CCDC7: variants seen among roughly 807,000 people sequenced by gnomAD.
CCDC7 encodes the protein coiled-coil domain containing 7.
In CCDC7, 183 loss-of-function variants were observed where a neutral mutation model predicts 196.9. The ratio of observed to expected loss-of-function variants is 0.93; its 90% CI spans 0.82 to 1.05. The LOEUF is 1.05. CCDC7 is among the 50% of genes least tolerant of loss of function. The pLI, the probability that CCDC7 is intolerant of heterozygous loss-of-function variation, is 0.00. For missense variants in CCDC7, 1,540 were observed against 1,482.2 expected, an observed-to-expected ratio of 1.04 and a Z score of -0.64; for synonymous variants, 525 against 484.6, an observed-to-expected ratio of 1.08 and a Z score of -1.10.
intron 33 of CCDC7, among the ~76,000 whole-genome samples, chr10:32,841,027 C>G (rs974312180): frequency 6.6e-5 from 10 of 151,948 alleles, no homozygotes; most frequent in Admixed American, 5.9e-4. Context: ...CTATCTATGA[C>G]AAACCAACAG....
At chr10:32,828,496 A>G (rs1593210120) in intron 32 of CCDC7, among the ~76,000 whole-genome samples, 1 of 107,430 alleles carries the variant, frequency 9.3e-6, no homozygotes, top group Non-Finnish European at 1.9e-5. Context: ...GAAGAAGAAG[A>G]AGAAGAAGAA....
intron 31 of CCDC7, among the ~76,000 whole-genome samples, chr10:32,822,000 G>GAA (rs35583848): frequency 4.7e-5 from 7 of 149,088 alleles, no homozygotes; most frequent in South Asian, 2.1e-4. Flanking sequence ...TAAAAGTGCT[G>GAA]AAAAAAAAAA....
At chr10:32,519,295 T>C (rs755990826) in intron 11 of CCDC7, among the ~76,000 whole-genome samples, 3 of 152,172 alleles carry the variant, frequency 2.0e-5, no homozygotes, top group Non-Finnish European at 2.9e-5. Context: ...CTGAGTAGTC[T>C]GACCAAGTGT....
At chr10:32,474,752 T>TA (rs1163043308) in intron 8 of CCDC7, among the ~76,000 whole-genome samples, 1 of 152,270 alleles carries the variant, frequency 6.6e-6, no homozygotes, top group South Asian at 2.1e-4. Context: ...CTAGAGCTTG[T>TA]ATGTTAAGTT....
chr10:32,753,374 A>G (rs2133544523), intron 28 of CCDC7, among the ~76,000 whole-genome samples: 1 of 152,292 alleles, frequency 6.6e-6, no homozygotes, highest in African/African-American at 2.4e-5. Context: ...TAATAACAGC[A>G]AACATTTTCT....
At chr10:32,570,573 G>T (rs528089690) in intron 15 of CCDC7, among the ~76,000 whole-genome samples, 3 of 152,318 alleles carry the variant, frequency 2.0e-5, no homozygotes, top group African/African-American at 7.2e-5. Context: ...CCACAGGGTT[G>T]TTAAGGTATC....
In CCDC7 at chr10:32,570,509, G is replaced by A. The variant is rs114789133; in HGVS notation, c.1420-1350G>A. ...AAACACAATGGAAGCTTCTTTCCTG[G>A]TGTTAATAGTCCAAGGAAGTTCAAG... is the stretch of plus-strand genomic sequence containing the variant. On this transcript the variant is annotated intron_variant, in intron 15 of 41. Transcript: ENST00000639629. Among the ~76,000 whole-genome samples, 1,281 of 152,284 alleles carry A rather than the reference G, an allele frequency of 8.4e-3. 28 individuals are homozygous for A. The highest frequency in any genetic ancestry group is 0.028 in the African/African-American group (1,180 of 41,554).
At chr10:32,550,779 A>T (rs2053351609) in intron 13 of CCDC7, among the ~76,000 whole-genome samples, 1 of 151,906 alleles carries the variant, frequency 6.6e-6, no homozygotes, top group Non-Finnish European at 1.5e-5. Context: ...TCTTTTTGTT[A>T]TATTGTTGGA....
chr10:32,741,489 C>T (rs921561627), intron 28 of CCDC7, among the ~76,000 whole-genome samples: 1 of 152,294 alleles, frequency 6.6e-6, no homozygotes, highest in Admixed American at 6.5e-5. Context: ...TAGTCAAGTC[C>T]TGTAGTTGGC....
chr10:32,710,629 G>A (rs74955328), intron 24 of CCDC7, among the ~76,000 whole-genome samples: 21,787 of 152,132 alleles, frequency 0.14, 1,900 homozygotes, highest in African/African-American at 0.25. Flanking sequence ...AAGACCCACT[G>A]ATAGGGCTGG....
intron 28 of CCDC7, among the ~76,000 whole-genome samples, chr10:32,729,830 C>T (rs183063959): frequency 6.3e-4 from 96 of 151,978 alleles, no homozygotes; most frequent in Admixed American, 7.9e-4. Flanking sequence ...TTGTTGTTTT[C>T]CTTAATAACT....
At chr10:32,637,661 C>T (rs12251790) in intron 20 of CCDC7, among the ~76,000 whole-genome samples, 17,215 of 152,082 alleles carry the variant, frequency 0.11, 1,171 homozygotes, top group South Asian at 0.27. Context: ...AGTCAGGTAG[C>T]GTGGTACCTC....
chr10:32,827,933 A>C (rs1420634674), intron 32 of CCDC7, among the ~76,000 whole-genome samples: 3 of 152,176 alleles, frequency 2.0e-5, no homozygotes, highest in African/African-American at 7.2e-5. Context: ...TATAGGATAG[A>C]TTAACTAAGT....
chr10:32,547,622 ATAG>A (rs2052693310), intron 13 of CCDC7, among the ~76,000 whole-genome samples: 2 of 152,248 alleles, frequency 1.3e-5, no homozygotes, highest in Admixed American at 6.5e-5. Flanking sequence ...CTGTGGGTAC[ATAG>A]TAGGTGTATA....
chr10:32,636,497 C>A (rs557424724), intron 20 of CCDC7, among the ~76,000 whole-genome samples: 16 of 151,974 alleles, frequency 1.1e-4, no homozygotes, highest in Non-Finnish European at 4.4e-5. Context: ...TTTGTCCTTG[C>A]GATAGTTTGC....
chr10:32,536,109 C>T (rs190429435), intron 11 of CCDC7, among the ~76,000 whole-genome samples: 6 of 152,132 alleles, frequency 3.9e-5, no homozygotes, highest in African/African-American at 1.2e-4. Flanking sequence ...TAGAAGTAAC[C>T]CCTCCCTCAC....
In CCDC7 at chr10:32,501,895, G is replaced by C. The variant is rs147325566; in HGVS notation, c.872+9898G>C. Reference sequence around the variant, plus strand: ...TGCTGGGAGAACTGCTCCTCTCTTCGGAGCTGTCAGGCAGGGATGTTTAAG... The same window carrying C: ...TGCTGGGAGAACTGCTCCTCTCTTCCGAGCTGTCAGGCAGGGATGTTTAAG... On this transcript the variant is annotated intron_variant, in intron 9 of 41. Coordinates refer to ENST00000639629, the Ensembl canonical transcript of CCDC7. 3.7e-3 allele frequency among the ~76,000 whole-genome samples: 556 copies of C among 152,268 alleles called. 3 individuals carry two copies. Among genetic ancestry groups the C allele is most frequent in the African/African-American group, 0.013 (528 of 41,556 alleles).
intron 9 of CCDC7, chr10:32,512,050 T>C (rs958985458): frequency 3.3e-6 from 1 of 299,048 alleles, no homozygotes; most frequent in Non-Finnish European, 6.2e-6. Context: ...TGTCTAGCTG[T>C]TCACCTGTGC....
intron 24 of CCDC7, among the ~76,000 whole-genome samples, chr10:32,708,664 A>G (rs1457644776): frequency 2.6e-5 from 4 of 152,264 alleles, no homozygotes; most frequent in Admixed American, 2.6e-4. Flanking sequence ...GGCGAAGCAT[A>G]TGAACAGACA....
Sources: allele counts gnomAD v4.1 joint callset (sites outside exome capture counted in the v4.1 genomes callset), GRCh38; gene constraint gnomAD v4.1.1; transcripts MANE v1.5; gene names NCBI Gene and HGNC (gene_info 2026-07-23, HGNC 2026-07-21).